Variants in PCDHGB6 observed in about 807,000 individuals in gnomAD.
PCDHGB6 encodes the protein protocadherin gamma subfamily B, 6.
A neutral mutation model predicts 59.1 loss-of-function variants in PCDHGB6; 51 were observed. The observed-to-expected ratio is 0.86, with a 90% CI of 0.69 to 1.09. The LOEUF (loss-of-function observed/expected upper bound fraction) is 1.09. Ranked by LOEUF, PCDHGB6 falls within the 50% of genes least tolerant of loss-of-function variation. PCDHGB6 has a pLI of 0.00. For synonymous variants in PCDHGB6, 466 were observed against 495.1 expected, an observed-to-expected ratio of 0.94 and a Z score of 0.78; for missense variants, 1,148 against 1,205.1, an observed-to-expected ratio of 0.95 and a Z score of 0.70.
At chr5:141,478,629 T>A in intron 1 of PCDHGB6, 1 of 1,553,688 alleles carries the variant, frequency 6.4e-7, no homozygotes, top group Non-Finnish European at 8.7e-7. Context: ...AGCTGTTTTT[T>A]TAGTGATGAA....
intron 1 of PCDHGB6, among the ~76,000 whole-genome samples, chr5:141,451,493 T>C (rs1554137340): frequency 2.0e-5 from 3 of 152,230 alleles, no homozygotes; most frequent in Admixed American, 2.0e-4. Context: ...TGGACCTCCA[T>C]AGGGCAACCA....
chr5:141,480,240 CA>C lies in PCDHGB6; in HGVS notation c.2419-14552del, dbSNP rs11374694. 4.6e-3 allele frequency among the ~76,000 whole-genome samples: 522 copies of C among 113,846 alleles called. 1 individual carries two copies. Among genetic ancestry groups the C allele is most frequent in the Non-Finnish European group, 5.4e-3 (287 of 52,954 alleles). 74.7% of individuals were successfully genotyped at this position (113,846 alleles called of 152,430 possible). A position where few individuals can be genotyped will look rare whatever the true frequency, so the allele number is the denominator to read the frequency against. ...GCGACATAGTGAGATCCTGTCTCTACAAAAAAAAAAAAAAATGTGTTTTCAT... is the reference window on the plus strand; with the variant it reads ...GCGACATAGTGAGATCCTGTCTCTACAAAAAAAAAAAAAATGTGTTTTCAT... On this transcript the variant is annotated intron_variant, in intron 1 of 3. Coordinates refer to ENST00000520790, the MANE Select transcript of PCDHGB6 (RefSeq NM_018926.3).
At chr5:141,470,132 A>G (rs1411735203) in intron 1 of PCDHGB6, among the ~76,000 whole-genome samples, 1 of 151,586 alleles carries the variant, frequency 6.6e-6, no homozygotes, top group East Asian at 1.9e-4. Context: ...TCGTCTCAAA[A>G]AAAAAGATCA....
At position 141,421,915 on chromosome 5, in the gene PCDHGB6, C is replaced by T. The variant is rs751221129; in HGVS notation, c.2418+11295C>T. ...CATCCGAAAGGGCGCAGTTCCCATT[C>T]GTGTGGTGGTCCTCGATGTAAATGA... is the stretch of plus-strand genomic sequence containing the variant. On this transcript the variant is annotated intron_variant, in intron 1 of 3. Transcript: ENST00000520790. 18 of 1,613,504 alleles carry T rather than the reference C, an allele frequency of 1.1e-5. No individual in the cohort carries two copies. The South Asian group carries it at 1.5e-4, about 14-fold the overall frequency.
chr5:141,418,360 G>A (rs544948410), intron 1 of PCDHGB6: 3 of 1,613,990 alleles, frequency 1.9e-6, no homozygotes, highest in Non-Finnish European at 2.5e-6. Context: ...TGAATTCGCT[G>A]AGCAAATACC....
intron 1 of PCDHGB6, chr5:141,428,113 T>A: frequency 6.2e-7 from 1 of 1,607,492 alleles, no homozygotes; most frequent in Non-Finnish European, 8.5e-7. Flanking sequence ...CTGCAGGCCA[T>A]CGAGCCCGGG....
At chr5:141,465,768 C>T (rs1414064889) in intron 1 of PCDHGB6, among the ~76,000 whole-genome samples, 1 of 151,916 alleles carries the variant, frequency 6.6e-6, no homozygotes, top group Non-Finnish European at 1.5e-5. Flanking sequence ...CATGTTTCAT[C>T]TCTTGTTACA....
chr5:141,458,408 C>T (rs895785923), intron 1 of PCDHGB6, among the ~76,000 whole-genome samples: 3 of 151,932 alleles, frequency 2.0e-5, no homozygotes, highest in Non-Finnish European at 2.9e-5. Context: ...AGAGACGGAG[C>T]GGGGGTTCCA....
intron 1 of PCDHGB6, chr5:141,413,285 A>G: frequency 1.9e-6 from 3 of 1,613,892 alleles, no homozygotes; most frequent in Non-Finnish European, 2.5e-6. Flanking sequence ...CAGATCTCCT[A>G]CTCAATTCCT....
At chr5:141,445,808 T>A (rs1004030960) in intron 1 of PCDHGB6, among the ~76,000 whole-genome samples, 1 of 152,182 alleles carries the variant, frequency 6.6e-6, no homozygotes, top group Non-Finnish European at 1.5e-5. Flanking sequence ...AATAAATAGA[T>A]GAAACTAATA....
chr5:141,413,140 A>T (rs2095607783), intron 1 of PCDHGB6: 1 of 1,563,150 alleles, frequency 6.4e-7, no homozygotes, highest in Non-Finnish European at 8.7e-7. Flanking sequence ...CAACGTGTCC[A>T]GTGAGGACTT....
At chr5:141,505,296 G>A (rs1174492966) in intron 2 of PCDHGB6, 97 bp from the exon 3 acceptor site, 1 of 1,584,850 alleles carries the variant, frequency 6.3e-7, no homozygotes, top group Non-Finnish European at 8.6e-7. Context: ...ATGGGGTAGG[G>A]TTAGGGTACT....
intron 1 of PCDHGB6, chr5:141,421,801 A>G (rs754191783): frequency 6.2e-7 from 1 of 1,613,858 alleles, no homozygotes; most frequent in Middle Eastern, 1.6e-4. Flanking sequence ...TGGGGCCAAG[A>G]ATCCAGAGCT....
chr5:141,484,123 T>C (rs2099592351), intron 1 of PCDHGB6, among the ~76,000 whole-genome samples: 1 of 152,174 alleles, frequency 6.6e-6, no homozygotes, highest in South Asian at 2.1e-4. Flanking sequence ...AAGAATACCT[T>C]GGTGTCAGAT....
chr5:141,421,125 C>G, intron 1 of PCDHGB6: 1 of 804,210 alleles, frequency 1.2e-6, no homozygotes, highest in Admixed American at 3.0e-5. Flanking sequence ...CCTTCGCTTT[C>G]TGATATATTT....
intron 1 of PCDHGB6, among the ~76,000 whole-genome samples, chr5:141,466,748 G>A (rs562859284): frequency 6.6e-6 from 1 of 152,238 alleles, no homozygotes; most frequent in South Asian, 2.1e-4. Context: ...TACTCTGATA[G>A]GGGCTCTTTT....
In PCDHGB6 at chr5:141,409,417, G is replaced by A. The variant is rs774453166; in HGVS notation, c.1215G>A (p.Val405=). ...CTTCCAATAACTACTACAAACTGGT[G>A]ACAGATGGAGCCCTGGACCGAGAGC... The part of the protein sequence containing the change: ...YSSSNNYYKL[V]TDGALDREQT... The change falls in exon 1 of 4, where the codon GTG becomes GTA. Residue 405 remains valine (V), a synonymous_variant. Transcript: ENST00000520790. The A allele has an allele frequency of 5.6e-6, 9 of 1,613,880 alleles. No individual in the cohort carries two copies. The South Asian group carries it at 8.8e-5, about 16-fold the overall frequency.
At chr5:141,425,289 A>C (rs17208404) in intron 1 of PCDHGB6, among the ~76,000 whole-genome samples, 26,691 of 152,172 alleles carry the variant, frequency 0.18, 2,539 homozygotes, top group Admixed American at 0.28. Flanking sequence ...CATATTATAA[A>C]ACCTCATCTA....
Position 141,431,054 on chromosome 5 carries a change from G to A in PCDHGB6, c.2418+20434G>A, listed in dbSNP as rs532584174. 1 of 1,614,198 alleles carries A rather than the reference G, an allele frequency of 6.2e-7. No individual in the cohort carries two copies. Among genetic ancestry groups the A allele is most frequent in the African/African-American group, 1.3e-5 (1 of 75,076 alleles). ...AGACCGGGAGGAGCTCTGTATGGGG[G>A]CCATCAAGTGTCAATTAAATCTAGA... On this transcript the variant is annotated intron_variant, in intron 1 of 3. Transcript: ENST00000520790. This position sits in a 1 kb window ranked among gnomAD's most constrained non-coding sequence, Gnocchi z 4.8.
Sources: allele counts gnomAD v4.1 joint callset (sites outside exome capture counted in the v4.1 genomes callset), GRCh38; gene constraint gnomAD v4.1.1; non-coding constraint Gnocchi (gnomAD v3.1); transcripts MANE v1.5; gene names NCBI Gene and HGNC (gene_info 2026-07-23, HGNC 2026-07-21).